The following MAGI1 variants were observed in gnomAD, a reference collection of about 807,000 sequenced individuals.
MAGI1 encodes membrane-associated guanylate kinase, WW and PDZ domain-containing protein 1.
Under a neutral mutation model 139.9 loss-of-function variants are expected in MAGI1, and 58 were observed. The observed-to-expected ratio is 0.41, with a 90% CI of 0.34 to 0.52. MAGI1 has a LOEUF of 0.52. Ranked by LOEUF, MAGI1 falls within the 20% of genes least tolerant of loss-of-function variation. The pLI is 0.12. For synonymous variants in MAGI1, 812 were observed against 737.9 expected, an observed-to-expected ratio of 1.10 and a Z score of -1.63; for missense variants, 1,874 against 1,901.6, an observed-to-expected ratio of 0.99 and a Z score of 0.27.
At chr3:65,599,343 AT>A (rs1179632247) in intron 2 of MAGI1, among the ~76,000 whole-genome samples, 1 of 152,206 alleles carries the variant, frequency 6.6e-6, no homozygotes, top group Non-Finnish European at 1.5e-5. Context: ...TTCATAGCAG[AT>A]GAGAAAATAA....
intron 1 of MAGI1, among the ~76,000 whole-genome samples, chr3:65,784,027 G>A (rs758253640): frequency 5.3e-5 from 8 of 152,040 alleles, no homozygotes; most frequent in Admixed American, 4.6e-4. Flanking sequence ...GGAGGCTGAG[G>A]CAGGAGAATC....
intron 1 of MAGI1, among the ~76,000 whole-genome samples, chr3:65,720,912 G>C (rs948321322): frequency 1.3e-5 from 2 of 151,744 alleles, no homozygotes; most frequent in Admixed American, 1.3e-4. Context: ...ACCACGCCTG[G>C]CTAATTTTTT....
At chr3:65,830,834 T>C (rs778516152) in intron 1 of MAGI1, among the ~76,000 whole-genome samples, 1 of 152,146 alleles carries the variant, frequency 6.6e-6, no homozygotes, top group African/African-American at 2.4e-5. Flanking sequence ...GTCCCACTTG[T>C]GACATCTGCT....
intron 2 of MAGI1, among the ~76,000 whole-genome samples, chr3:65,528,326 G>A (rs944182271): frequency 2.0e-5 from 3 of 152,118 alleles, no homozygotes; most frequent in Admixed American, 2.0e-4. Flanking sequence ...TTTCAACACA[G>A]CGAAATTGCT....
chr3:65,794,789 T>A (rs1046408573), intron 1 of MAGI1, among the ~76,000 whole-genome samples: 1 of 150,980 alleles, frequency 6.6e-6, no homozygotes, highest in African/African-American at 2.4e-5. Flanking sequence ...AAATCTTTTA[T>A]GTAATATGTT....
At chr3:65,786,627 T>TTC (rs35311709) in intron 1 of MAGI1, among the ~76,000 whole-genome samples, 1 of 134,344 alleles carries the variant, frequency 7.4e-6, no homozygotes, top group Non-Finnish European at 1.7e-5. Context: ...TTTTTTTTTT[T>TTC]CTTAAACAGA....
chr3:66,023,236 G>A (rs527600880), intron 1 of MAGI1, among the ~76,000 whole-genome samples: 3 of 152,258 alleles, frequency 2.0e-5, no homozygotes, highest in African/African-American at 7.2e-5. Context: ...TTCTGATATG[G>A]AAATGGAGGG....
At chr3:65,548,863 G>C (rs2079657038) in intron 2 of MAGI1, among the ~76,000 whole-genome samples, 1 of 152,160 alleles carries the variant, frequency 6.6e-6, no homozygotes, top group African/African-American at 2.4e-5. Flanking sequence ...GCTACTGGAG[G>C]GGTGGGGTGA....
intron 1 of MAGI1, among the ~76,000 whole-genome samples, chr3:65,880,377 C>T (rs2060276130): frequency 6.6e-6 from 1 of 152,118 alleles, no homozygotes; most frequent in African/African-American, 2.4e-5. Context: ...AATCAGTGAC[C>T]CTTAGCGCAT....
intron 1 of MAGI1, among the ~76,000 whole-genome samples, chr3:65,690,723 A>ACCTCCCAATGTGCTGTGATTACAG: frequency 7.5e-6 from 1 of 133,388 alleles, no homozygotes; most frequent in South Asian, 2.6e-4. Flanking sequence ...CAAGTGATCC[A>ACCTCCCAATGTGCTGTGATTACAG]CCTCCCAATG....
chr3:65,718,273 A>G (rs1037711890), intron 1 of MAGI1, among the ~76,000 whole-genome samples: 3 of 152,160 alleles, frequency 2.0e-5, no homozygotes, highest in African/African-American at 7.2e-5. Flanking sequence ...TGCCAGAAAC[A>G]TTTTGGCTGG....
intron 2 of MAGI1, chr3:65,597,588 C>A: frequency 2.3e-6 from 1 of 436,372 alleles, no homozygotes; most frequent in Non-Finnish European, 4.7e-6. Context: ...CCCTCCCAAG[C>A]TGGCCGGGTT....
intron 12 of MAGI1, among the ~76,000 whole-genome samples, chr3:65,416,499 G>GA (rs1427565629): frequency 6.6e-6 from 1 of 152,202 alleles, no homozygotes; most frequent in African/African-American, 2.4e-5. Flanking sequence ...AGACAATGGG[G>GA]AAGCTGTGAT....
intron 1 of MAGI1, among the ~76,000 whole-genome samples, chr3:65,996,547 G>T (rs961008246): frequency 4.0e-5 from 6 of 151,752 alleles, no homozygotes; most frequent in Non-Finnish European, 2.9e-5. Flanking sequence ...CTAAGGGGGG[G>T]GGGGGGGAAG....
intron 13 of MAGI1, among the ~76,000 whole-genome samples, chr3:65,397,916 T>C (rs555095883): frequency 6.6e-6 from 1 of 152,348 alleles, no homozygotes; most frequent in East Asian, 1.9e-4. Flanking sequence ...TCTGATTAAT[T>C]CTTATCCAAT....
At chr3:65,720,721 A>G (rs1361175312) in intron 1 of MAGI1, among the ~76,000 whole-genome samples, 4 of 151,950 alleles carry the variant, frequency 2.6e-5, no homozygotes, top group Non-Finnish European at 1.5e-5. Flanking sequence ...TGAGCCTGAT[A>G]TGCTCTTATT....
intron 2 of MAGI1, among the ~76,000 whole-genome samples, chr3:65,612,513 T>TA (rs2083176303): frequency 1.3e-5 from 2 of 151,168 alleles, no homozygotes; most frequent in Non-Finnish European, 1.5e-5. Flanking sequence ...AATAAAAAAA[T>TA]ATGTCATTGA....
chr3:65,942,739 C>G (rs1327250302), intron 1 of MAGI1, among the ~76,000 whole-genome samples: 3 of 152,106 alleles, frequency 2.0e-5, no homozygotes, highest in African/African-American at 7.2e-5. Flanking sequence ...AAAATGCGAC[C>G]AGGTGCGGTG....
rs527358884 is a variant in MAGI1, at chr3:66,032,393, T to TG, written c.313+5602_313+5603insC. Among the ~76,000 whole-genome samples the TG allele has an allele frequency of 1.4e-3, 200 of 148,068 alleles. 2 individuals carry two copies. The highest frequency in any genetic ancestry group is 2.5e-3 in the Non-Finnish European group (165 of 66,792). On this transcript the variant is annotated intron_variant, in intron 1 of 22. Coordinates refer to ENST00000402939, the MANE Select transcript of MAGI1 (RefSeq NM_001033057.2). ...GCCCGGCTAATTTTTTTGTTTTTTT[T>TG]TTTTTTTTAGTAGAGACAGGGTTTC...
Sources: gnomAD v4.1 joint callset for allele counts (sites outside exome capture counted in the v4.1 genomes callset) on GRCh38, gnomAD v4.1.1 for gene constraint, MANE v1.5 for transcripts, NCBI Gene and HGNC (gene_info 2026-07-23, HGNC 2026-07-21) for gene names.